IGFL2: variants seen among roughly 807,000 people sequenced by gnomAD.
IGFL2 encodes IGF like family member 2.
IGFL2 carries 7 observed loss-of-function variants against 13.9 expected under a neutral mutation model. The observed-to-expected ratio is 0.51, with a 90% CI of 0.29 to 0.95. The LOEUF is 0.95. Among genes scored for constraint, IGFL2 ranks in the 40% least tolerant of loss-of-function variants. IGFL2 has a pLI of 0.08. For missense variants in IGFL2, 138 were observed against 147.8 expected, an observed-to-expected ratio of 0.93 and a Z score of 0.34; for synonymous variants, 55 against 55.8, an observed-to-expected ratio of 0.99 and a Z score of 0.07.
the IGFL2 span, among the ~76,000 whole-genome samples, chr19:46,106,758 C>A: frequency 6.6e-6 from 1 of 152,118 alleles, no homozygotes; most frequent in Non-Finnish European, 1.5e-5. Context: ...CTGGTGGTAA[C>A]AGGCTTTAAC....
At chr19:46,160,188 C>T (rs748241330) in intron 1 of IGFL2, 4 of 561,248 alleles carry the variant, frequency 7.1e-6, no homozygotes, top group Non-Finnish European at 1.3e-5. Context: ...GAAGATATTC[C>T]AAGAGTTTTC....
chr19:46,170,638 A>C, the IGFL2 span, among the ~76,000 whole-genome samples: 1 of 152,086 alleles, frequency 6.6e-6, no homozygotes, highest in Non-Finnish European at 1.5e-5. Flanking sequence ...TTCTTTTCCC[A>C]GTAAGGAATA....
chr19:46,089,628 A>G, the IGFL2 span, among the ~76,000 whole-genome samples: 1 of 146,212 alleles, frequency 6.8e-6, no homozygotes, highest in South Asian at 2.2e-4. Context: ...AGATCCTTTT[A>G]GGGTATAGTA....
At chr19:46,180,547 A>C in the IGFL2 span, 1 of 152,210 alleles carries the variant, frequency 6.6e-6, no homozygotes, top group African/African-American at 2.4e-5. Flanking sequence ...TCTAGAGGAC[A>C]CAACTAATAG....
the IGFL2 span, among the ~76,000 whole-genome samples, chr19:46,079,762 C>A: frequency 2.6e-5 from 4 of 152,094 alleles, no homozygotes; most frequent in Admixed American, 2.6e-4. Flanking sequence ...TGAAATTGCC[C>A]TCATCAAAGG....
chr19:46,139,605 C>A (rs1175817614), upstream of IGFL2, among the ~76,000 whole-genome samples: 4 of 151,918 alleles, frequency 2.6e-5, no homozygotes, highest in African/African-American at 9.7e-5. Context: ...ACACAGGGAT[C>A]AATCCAAATG....
chr19:46,149,083 A>T, intron 1 of IGFL2: 2 of 1,493,254 alleles, frequency 1.3e-6, no homozygotes, highest in South Asian at 1.2e-5. Flanking sequence ...TGTTGTGTGT[A>T]TTCCATCAAG....
At chr19:46,168,942 G>GTGTGTGTA in the IGFL2 span, among the ~76,000 whole-genome samples, 1 of 151,532 alleles carries the variant, frequency 6.6e-6, no homozygotes, top group Non-Finnish European at 1.5e-5. Flanking sequence ...GTGTGTGTAT[G>GTGTGTGTA]TGTATGTGTA....
At chr19:46,210,386 G>C in the IGFL2 span, 11 of 152,342 alleles carry the variant, frequency 7.2e-5, 1 homozygote, top group Middle Eastern at 0.014. Context: ...GGCAGTGAGA[G>C]CCAGGGAAGG....
At chr19:46,185,668 C>T in the IGFL2 span, among the ~76,000 whole-genome samples, 1 of 152,206 alleles carries the variant, frequency 6.6e-6, no homozygotes, top group Non-Finnish European at 1.5e-5. Context: ...TTTGAAAATA[C>T]CGGACCTGGT....
intron 1 of IGFL2, chr19:46,159,389 C>T (rs1188017591): frequency 2.6e-5 from 4 of 152,206 alleles, no homozygotes; most frequent in African/African-American, 9.7e-5. Flanking sequence ...AGGCCATGAG[C>T]TTCCTCAAGC....
upstream of IGFL2, among the ~76,000 whole-genome samples, chr19:46,141,902 G>A (rs55845801): frequency 7.9e-4 from 121 of 152,284 alleles, 1 homozygote; most frequent in Middle Eastern, 0.017. Context: ...TTCTGTTTTT[G>A]AAAGTTACAA....
chr19:46,145,562 T>G (rs113241757), upstream of IGFL2, among the ~76,000 whole-genome samples: 15 of 151,818 alleles, frequency 9.9e-5, no homozygotes, highest in Non-Finnish European at 1.9e-4. Flanking sequence ...GCTTCCAGCT[T>G]CCCTCACTGG....
the IGFL2 span, among the ~76,000 whole-genome samples, chr19:46,173,156 A>G: frequency 6.6e-6 from 1 of 152,234 alleles, no homozygotes; most frequent in African/African-American, 2.4e-5. Flanking sequence ...GAAAATGTCT[A>G]CAGATGCTTA....
the IGFL2 span, among the ~76,000 whole-genome samples, chr19:46,134,235 A>G: frequency 2.6e-5 from 4 of 152,282 alleles, no homozygotes; most frequent in African/African-American, 7.2e-5. Context: ...TAAAAGGACT[A>G]TTAGCAATGA....
chr19:46,111,116 T>G, the IGFL2 span: 1 of 152,634 alleles, frequency 6.6e-6, no homozygotes, highest in Admixed American at 6.5e-5. Flanking sequence ...TTTATACTCT[T>G]CGTTTGTTTT....
the IGFL2 span, among the ~76,000 whole-genome samples, chr19:46,193,341 T>C: frequency 5.9e-5 from 9 of 152,348 alleles, no homozygotes; most frequent in South Asian, 1.2e-3. Flanking sequence ...ACACTGTAGA[T>C]GCTACCGGCT....
chr19:46,141,717 C>G (rs1176066681), upstream of IGFL2, among the ~76,000 whole-genome samples: 1 of 152,140 alleles, frequency 6.6e-6, no homozygotes, highest in Non-Finnish European at 1.5e-5. Context: ...TTCTCCCCAT[C>G]TTCCCACCCT....
the IGFL2 span, among the ~76,000 whole-genome samples, chr19:46,172,828 C>G: frequency 6.6e-6 from 1 of 152,130 alleles, no homozygotes; most frequent in African/African-American, 2.4e-5. Flanking sequence ...TGCAATCCTA[C>G]CACCTCAGCC....
Sources: gnomAD v4.1 joint callset for allele counts (sites outside exome capture counted in the v4.1 genomes callset) on GRCh38, gnomAD v4.1.1 for gene constraint, MANE v1.5 for transcripts, NCBI Gene and HGNC (gene_info 2026-07-23, HGNC 2026-07-21) for gene names.